Variants in PALS2 observed in about 807,000 individuals in gnomAD.
PALS2 encodes protein associated with LIN7 2, MAGUK p55 family member.
PALS2 carries 27 observed loss-of-function variants against 61.6 expected under a neutral mutation model. The ratio of observed to expected loss-of-function variants is 0.44; its 90% CI spans 0.32 to 0.60. The LOEUF is 0.60. Among genes scored for constraint, PALS2 ranks in the 20% least tolerant of loss-of-function variants. The pLI, the probability that PALS2 is intolerant of heterozygous loss-of-function variation, is 0.05. For synonymous variants in PALS2, 236 were observed against 218.6 expected (o/e 1.08, Z -0.70); for missense variants, 554 against 639.4 (o/e 0.87, Z 1.44).
chr7:24,607,171 T>A (rs984032761), intron 1 of PALS2, among the ~76,000 whole-genome samples: 12 of 152,286 alleles, frequency 7.9e-5, no homozygotes, highest in African/African-American at 2.4e-4. Flanking sequence ...TTAGATTTTT[T>A]AAAAATACTA....
In PALS2 at chr7:24,668,533, G is replaced by A; in HGVS notation, c.987G>A (p.Glu329=). The change falls in exon 9 of 12, where the codon GAG becomes GAA. Residue 329 remains glutamate (E), a synonymous_variant. Transcript: ENST00000222644. ...FDRHEIQIYE[E]VAKMPPFQRK... ...GTCATGAAATCCAGATATATGAGGAGGTAGCCAAAATGCCTCCCTTCCAGA... is the reference window on the plus strand; with the variant it reads ...GTCATGAAATCCAGATATATGAGGAAGTAGCCAAAATGCCTCCCTTCCAGA... 6.2e-7 allele frequency: 1 copy of A among 1,613,512 alleles called. No individual in the cohort carries two copies. Among genetic ancestry groups the A allele is most frequent in the Non-Finnish European group, 8.5e-7 (1 of 1,179,672 alleles).
At chr7:24,673,851 G>C (rs1475598711) in intron 9 of PALS2, among the ~76,000 whole-genome samples, 1 of 151,552 alleles carries the variant, frequency 6.6e-6, no homozygotes, top group Non-Finnish European at 1.5e-5. Flanking sequence ...TGTTTTTTTA[G>C]ATAGGAAATT....
chr7:24,588,751 T>C (rs1282467968), intron 1 of PALS2, among the ~76,000 whole-genome samples: 1 of 152,206 alleles, frequency 6.6e-6, no homozygotes, highest in South Asian at 2.1e-4. Context: ...ACACTGAAAT[T>C]CTAGAATGAA....
At position 24,604,671 on chromosome 7, in the gene PALS2, C is replaced by T. The variant is rs534395693; in HGVS notation, c.-2-18995C>T. Among the ~76,000 whole-genome samples, 12 of 152,164 alleles carry T rather than the reference C, an allele frequency of 7.9e-5. No individual in the cohort carries two copies. The South Asian group carries it at 2.3e-3, about 29-fold the overall frequency. On this transcript the variant is annotated intron_variant, in intron 1 of 11. Transcript: ENST00000222644. ...GTAAGATGAAATAAGCACACTATAC[C>T]CTAACTTGGCAGAGACAGTGAGCTC...
Position 24,668,623 on chromosome 7 carries a change from A to G in PALS2, c.1077A>G (p.Ile359Met). The G allele has an allele frequency of 1.9e-6, 3 of 1,613,982 alleles. No individual in the cohort carries two copies. The highest frequency in any genetic ancestry group is 1.1e-5 in the South Asian group (1 of 91,088). Residue 359 changes from isoleucine (I) to methionine (M), a missense_variant, in exon 9 of 12, where the codon ATA (isoleucine) becomes ATG (methionine). Physicochemically the swap from Ile to Met is conservative, Grantham distance 10. Transcript: ENST00000222644. ...VGRRSLKNRFIVLNPTRFGTT... is the reference protein window; with the variant it reads ...VGRRSLKNRFMVLNPTRFGTT... ...GAAGAAGCTTGAAAAACAGGTTCAT[A>G]GTATTGAATCCCACTAGATTTGGAA...
rs202020388 is a variant in PALS2 at position 24,607,582 on chromosome 7, TATATAC to T, written c.-2-16078_-2-16073del. Among the ~76,000 whole-genome samples, 320 of 121,074 alleles carry T rather than the reference TATATAC, an allele frequency of 2.6e-3. 3 individuals are homozygous for T. The highest frequency in any genetic ancestry group is 0.021 in the East Asian group (58 of 2,714). The allele number at this position is 121,074 out of a possible 152,430, so 79.4% of individuals were successfully genotyped here. On this transcript the variant is annotated intron_variant, in intron 1 of 11. Coordinates refer to ENST00000222644, the MANE Select transcript of PALS2 (RefSeq NM_001303037.2). ...GTGTATATATACATATATGTGTGTA[TATATAC>T]ATATATGTGTGTGTATATATACATA...
chr7:24,629,694 A>G (rs963241931), intron 2 of PALS2, among the ~76,000 whole-genome samples: 2 of 152,212 alleles, frequency 1.3e-5, no homozygotes, highest in African/African-American at 4.8e-5. Context: ...TCTCAAAAGA[A>G]GACATTTATG....
At position 24,623,677 on chromosome 7, in the gene PALS2, G is replaced by GT. The variant is rs1562620631; in HGVS notation, c.11dup (p.Glu6GlyfsTer34). The stretch of plus-strand genomic sequence containing the variant: ...TTTTATCTCAGCAGCAATGCAGCAA[G>GT]TCTTGGAAAACCTTACGGAGCTGCC... On this transcript the variant is annotated frameshift_variant, in exon 2 of 12. Transcript: ENST00000222644. LOFTEE classifies it high-confidence loss of function. The GT allele has an allele frequency of 6.3e-7, 1 of 1,577,030 alleles. No individual in the cohort carries two copies. The highest frequency in any genetic ancestry group is 2.2e-5 in the East Asian group (1 of 44,548).
intron 1 of PALS2, among the ~76,000 whole-genome samples, chr7:24,590,652 C>T (rs1045765806): frequency 3.9e-5 from 6 of 151,996 alleles, no homozygotes; most frequent in African/African-American, 7.2e-5. Context: ...AGGGGTTAGT[C>T]CTATAAGGTC....
At chr7:24,654,853 G>C (rs1350599010) in intron 5 of PALS2, among the ~76,000 whole-genome samples, 1 of 147,120 alleles carries the variant, frequency 6.8e-6, no homozygotes, top group East Asian at 2.1e-4. Flanking sequence ...TGGACTTTTA[G>C]AGAGCTCAGA....
At chr7:24,671,508 G>A (rs1356844666) in intron 9 of PALS2, among the ~76,000 whole-genome samples, 1 of 152,030 alleles carries the variant, frequency 6.6e-6, no homozygotes, top group Non-Finnish European at 1.5e-5. Context: ...GGTGTCCTTT[G>A]ATATACAAAA....
At chr7:24,582,676 A>G (rs889943181) in intron 1 of PALS2, among the ~76,000 whole-genome samples, 8 of 151,870 alleles carry the variant, frequency 5.3e-5, no homozygotes, top group African/African-American at 1.9e-4. Flanking sequence ...GGAAAACCTA[A>G]CTTTAGTTAC....
chr7:24,666,498 G>C (rs10253880), intron 8 of PALS2, among the ~76,000 whole-genome samples: 34,606 of 152,030 alleles, frequency 0.23, 4,000 homozygotes, highest in South Asian at 0.32. Flanking sequence ...GACCATGATA[G>C]TTTTAGAAAA....
intron 2 of PALS2, among the ~76,000 whole-genome samples, chr7:24,635,984 G>A (rs1785216299): frequency 6.6e-6 from 1 of 152,020 alleles, no homozygotes; most frequent in Non-Finnish European, 1.5e-5. Context: ...GGCTGAGGCG[G>A]GCGGATCACC....
At chr7:24,660,710 GCATAA>G (rs148076898) in intron 5 of PALS2, among the ~76,000 whole-genome samples, 3,576 of 152,264 alleles carry the variant, frequency 0.023, 159 homozygotes, top group African/African-American at 0.082. Context: ...GGATGTATCT[GCATAA>G]CATAGCTGTT....
chr7:24,671,913 T>C (rs1175160079), intron 9 of PALS2, among the ~76,000 whole-genome samples: 7 of 151,928 alleles, frequency 4.6e-5, no homozygotes, highest in African/African-American at 7.2e-5. Context: ...TCTGTCCTTA[T>C]GCCAGTCCCA....
intron 1 of PALS2, among the ~76,000 whole-genome samples, chr7:24,603,716 A>G (rs994283737): frequency 6.6e-6 from 1 of 152,206 alleles, no homozygotes; most frequent in South Asian, 2.1e-4. Flanking sequence ...AGACATAGGT[A>G]CAACCCCAAG....
intron 3 of PALS2, among the ~76,000 whole-genome samples, chr7:24,643,149 A>C (rs1785650943): frequency 6.6e-6 from 1 of 152,158 alleles, no homozygotes; most frequent in African/African-American, 2.4e-5. Flanking sequence ...TGAATGAGGT[A>C]AGGAACACTA....
intron 2 of PALS2, among the ~76,000 whole-genome samples, chr7:24,633,563 A>T (rs1785104036): frequency 6.7e-6 from 1 of 148,698 alleles, no homozygotes; most frequent in African/African-American, 2.5e-5. Context: ...TTAATCCTGC[A>T]CAGTGTTCTA....
Sources: gnomAD v4.1 joint callset for allele counts (sites outside exome capture counted in the v4.1 genomes callset) on GRCh38, gnomAD v4.1.1 for gene constraint, MANE v1.5 for transcripts, NCBI Gene and HGNC (gene_info 2026-07-23, HGNC 2026-07-21) for gene names.